PACRG: variants seen among roughly 807,000 people sequenced by gnomAD.
The protein encoded by PACRG is parkin coregulated.
In PACRG, 29 loss-of-function variants were observed where a neutral mutation model predicts 29.7. The ratio of observed to expected loss-of-function variants is 0.98; its 90% confidence interval spans 0.73 to 1.33. PACRG has a LOEUF of 1.33. Among genes scored for constraint, PACRG ranks in the 40% most tolerant of loss-of-function variants. The pLI is 0.00. For synonymous variants in PACRG, 116 were observed against 118.7 expected (o/e 0.98, Z 0.15); for missense variants, 279 against 316.2 (o/e 0.88, Z 0.89).
intron 4 of PACRG, among the ~76,000 whole-genome samples, chr6:163,107,230 G>A (rs1815433969): frequency 6.6e-6 from 1 of 152,132 alleles, no homozygotes; most frequent in South Asian, 2.1e-4. Flanking sequence ...ATAGAAATAT[G>A]ATGAGAAAGA....
At chr6:162,758,188 C>T (rs933776742) in intron 1 of PACRG, among the ~76,000 whole-genome samples, 7 of 151,948 alleles carry the variant, frequency 4.6e-5, no homozygotes, top group Admixed American at 2.0e-4. Flanking sequence ...ATCTGACAGC[C>T]GTGTAAGATT....
intron 4 of PACRG, among the ~76,000 whole-genome samples, chr6:163,147,003 C>T (rs563430709): frequency 6.5e-4 from 99 of 152,290 alleles, no homozygotes; most frequent in African/African-American, 2.2e-3. Flanking sequence ...TCTGTTAGCA[C>T]GTGGATGCTA....
chr6:162,740,193 C>T (rs909097624), intron 1 of PACRG, among the ~76,000 whole-genome samples: 14 of 152,282 alleles, frequency 9.2e-5, no homozygotes, highest in Admixed American at 3.3e-4. Context: ...TCCTAGTTGA[C>T]GTCGTTGCTT....
rs184068820 is a variant in PACRG, at chr6:162,757,743, A to G, written c.156+29352A>G. ...AATAAATAAATAAAATTAAAATAAAACATGGTTGCTACACATGCATGAGGA... is the reference window on the plus strand; with the variant it reads ...AATAAATAAATAAAATTAAAATAAAGCATGGTTGCTACACATGCATGAGGA... On this transcript the variant is annotated intron_variant, in intron 1 of 4. Coordinates refer to ENST00000366888, the MANE Select transcript of PACRG (RefSeq NM_001080379.2). Among the ~76,000 whole-genome samples, 638 of 152,150 alleles carry G rather than the reference A, an allele frequency of 4.2e-3. 1 individual carries two copies. The highest frequency in any genetic ancestry group is 0.015 in the African/African-American group (606 of 41,538).
chr6:163,201,579 C>T (rs1780700886), intron 4 of PACRG, among the ~76,000 whole-genome samples: 1 of 152,166 alleles, frequency 6.6e-6, no homozygotes, highest in Admixed American at 6.5e-5. Context: ...CACCTCCTGC[C>T]CCAGTTAAAA....
At chr6:162,890,620 A>G (rs1794683381) in intron 2 of PACRG, among the ~76,000 whole-genome samples, 1 of 152,148 alleles carries the variant, frequency 6.6e-6, no homozygotes, top group Admixed American at 6.5e-5. Context: ...AGAAGGAAAT[A>G]CTTCTGCCTC....
chr6:162,776,421 A>T (rs1783646187), intron 1 of PACRG, among the ~76,000 whole-genome samples: 1 of 152,156 alleles, frequency 6.6e-6, no homozygotes. Flanking sequence ...CCAGACCCTC[A>T]CTGTCAACAA....
At chr6:163,017,974 A>G (rs957500942) in intron 2 of PACRG, among the ~76,000 whole-genome samples, 1 of 151,994 alleles carries the variant, frequency 6.6e-6, no homozygotes, top group African/African-American at 2.4e-5. Context: ...CATGGCATCC[A>G]TTTACTCCAG....
intron 4 of PACRG, chr6:163,309,953 C>T (rs1284866438): frequency 2.0e-5 from 3 of 152,134 alleles, no homozygotes; most frequent in African/African-American, 4.8e-5. Flanking sequence ...TTCATCTATT[C>T]GGTATCAAAT....
chr6:162,845,671 C>T (rs1790308883), intron 2 of PACRG, among the ~76,000 whole-genome samples: 1 of 152,150 alleles, frequency 6.6e-6, no homozygotes, highest in African/African-American at 2.4e-5. Context: ...GCCAGTTCTC[C>T]TGCTCAGAAG....
intron 2 of PACRG, among the ~76,000 whole-genome samples, chr6:162,818,480 G>A (rs1405481783): frequency 6.6e-6 from 1 of 152,112 alleles, no homozygotes; most frequent in African/African-American, 2.4e-5. Context: ...ATGGCCCATT[G>A]TCTCTACCTC....
intron 2 of PACRG, among the ~76,000 whole-genome samples, chr6:163,029,503 GGATAAA>G (rs558484196): frequency 9.9e-4 from 150 of 152,244 alleles, no homozygotes; most frequent in African/African-American, 3.5e-3. Context: ...TTCCTCCAGG[GGATAAA>G]GATAGTGTTG....
chr6:163,124,276 G>A (rs1398655637), intron 4 of PACRG, among the ~76,000 whole-genome samples: 3 of 152,124 alleles, frequency 2.0e-5, no homozygotes, highest in Non-Finnish European at 4.4e-5. Flanking sequence ...TTCCTTTGCT[G>A]TGCAGAAATT....
chr6:163,168,373 G>A (rs1011023883), intron 4 of PACRG, among the ~76,000 whole-genome samples: 3 of 152,212 alleles, frequency 2.0e-5, no homozygotes, highest in Non-Finnish European at 2.9e-5. Context: ...AGGAGGCTGA[G>A]GCAGGAGCAT....
chr6:162,917,597 C>G (rs144634356), intron 2 of PACRG, among the ~76,000 whole-genome samples: 2,066 of 152,118 alleles, frequency 0.014, 33 homozygotes, highest in South Asian at 0.087. Flanking sequence ...GAATGCATAC[C>G]CCATAGCCAC....
intron 4 of PACRG, among the ~76,000 whole-genome samples, chr6:163,145,500 T>C (rs1209551942): frequency 1.3e-5 from 2 of 152,214 alleles, no homozygotes; most frequent in African/African-American, 4.8e-5. Context: ...CCACAGCACT[T>C]GTTTTCCTGT....
At chr6:162,762,798 G>A (rs1289659893) in intron 1 of PACRG, among the ~76,000 whole-genome samples, 1 of 152,114 alleles carries the variant, frequency 6.6e-6, no homozygotes, top group Non-Finnish European at 1.5e-5. Context: ...TTAGTTTTGC[G>A]TTTTTCAGAG....
intron 4 of PACRG, among the ~76,000 whole-genome samples, chr6:163,142,408 CAT>C (rs1777578446): frequency 6.6e-6 from 1 of 151,768 alleles, no homozygotes; most frequent in African/African-American, 2.4e-5. Context: ...TTACTAGAAA[CAT>C]ATAAATTACC....
At chr6:163,275,031 TTTG>T (rs952826955) in intron 4 of PACRG, among the ~76,000 whole-genome samples, 1 of 151,652 alleles carries the variant, frequency 6.6e-6, no homozygotes, top group Admixed American at 6.6e-5. Flanking sequence ...CCCAGCTAGG[TTTG>T]TTTTTTGTTT....
Sources: allele counts gnomAD v4.1 joint callset (sites outside exome capture counted in the v4.1 genomes callset), GRCh38; gene constraint gnomAD v4.1.1; transcripts MANE v1.5; gene names NCBI Gene and HGNC (gene_info 2026-07-23, HGNC 2026-07-21).